The following HCN1 variants were observed in gnomAD, a reference collection of about 807,000 sequenced individuals.
HCN1 encodes hyperpolarization activated cyclic nucleotide gated potassium channel 1.
In HCN1, 13 loss-of-function variants were observed where a neutral mutation model predicts 78.9. That is an observed-to-expected ratio of 0.16 (90% CI 0.11 to 0.26). The LOEUF (loss-of-function observed/expected upper bound fraction) is 0.26, where lower values mean the gene tolerates loss of function less well. Ranked by LOEUF, HCN1 falls within the 10% of genes least tolerant of loss-of-function variation. The pLI, the probability that HCN1 is intolerant of heterozygous loss-of-function variation, is 1.00. For synonymous variants in HCN1, 552 were observed against 455.5 expected (o/e 1.21, Z -2.70); for missense variants, 810 against 1,154.3 (o/e 0.70, Z 4.32).
intron 1 of HCN1, among the ~76,000 whole-genome samples, chr5:45,660,167 G>T (rs1266915190): frequency 3.3e-5 from 4 of 122,706 alleles, no homozygotes; most frequent in Non-Finnish European, 4.9e-5. Flanking sequence ...TTAAAGAAAA[G>T]AATTTTCAAC....
rs546544301 is a variant in HCN1, at chr5:45,348,431, A to C, written c.1377+4669T>G. Among the ~76,000 whole-genome samples the C allele has an allele frequency of 5.9e-5, 9 of 152,222 alleles. No homozygotes were observed. The South Asian group carries it at 6.2e-4, about 11-fold the overall frequency. The stretch of plus-strand genomic sequence containing the variant: ...AAAATCACACCAAATTGCAAAGGCC[A>C]TCAAGGCTAGGAAGAAACTGCATCA... On this transcript the variant is annotated intron_variant, in intron 5 of 7. Coordinates refer to ENST00000303230, the MANE Select transcript of HCN1 (RefSeq NM_021072.4).
intron 2 of HCN1, among the ~76,000 whole-genome samples, chr5:45,545,775 T>C (rs1743210507): frequency 4.6e-5 from 7 of 152,022 alleles, no homozygotes; most frequent in Admixed American, 2.0e-4. Flanking sequence ...TTTTAACTCT[T>C]CACAATATGT....
At chr5:45,562,321 C>A (rs1743621286) in intron 2 of HCN1, among the ~76,000 whole-genome samples, 1 of 152,038 alleles carries the variant, frequency 6.6e-6, no homozygotes, top group African/African-American at 2.4e-5. Context: ...CTCTTGATAT[C>A]CAACAGCAGA....
At position 45,416,469 on chromosome 5, in the gene HCN1, G is replaced by T. The variant is rs144497673; in HGVS notation, c.1012-19759C>A. On this transcript the variant is annotated intron_variant, in intron 3 of 7. Coordinates refer to ENST00000303230, the MANE Select transcript of HCN1 (RefSeq NM_021072.4). Reference sequence around the variant, plus strand: ...TATATACAACCTGACAAGCTACACAGCAGAAATTGCTTTTGGTTTCCTTAG... The same window carrying T: ...TATATACAACCTGACAAGCTACACATCAGAAATTGCTTTTGGTTTCCTTAG... Among the ~76,000 whole-genome samples, 41 of 152,070 alleles carry T rather than the reference G, an allele frequency of 2.7e-4. 1 individual carries two copies. The highest frequency in any genetic ancestry group is 1.3e-4 in the Non-Finnish European group (9 of 67,904).
chr5:45,513,606 AG>A (rs1216514018), intron 2 of HCN1, among the ~76,000 whole-genome samples: 7 of 152,192 alleles, frequency 4.6e-5, no homozygotes, highest in Admixed American at 1.3e-4. Flanking sequence ...TTAGAACAGC[AG>A]TGGCATGTGA....
intron 4 of HCN1, among the ~76,000 whole-genome samples, chr5:45,376,306 TA>T (rs1000464083): frequency 2.5e-3 from 3 of 1,188 alleles, no homozygotes; most frequent in Non-Finnish European, 4.7e-3. Flanking sequence ...GTATTATATA[TA>T]AAATATGTTA....
At chr5:45,629,504 T>C (rs772148341) in intron 2 of HCN1, among the ~76,000 whole-genome samples, 1 of 152,142 alleles carries the variant, frequency 6.6e-6, no homozygotes, top group African/African-American at 2.4e-5. Context: ...ATTAAATATA[T>C]GATAGTAATA....
intron 4 of HCN1, among the ~76,000 whole-genome samples, chr5:45,389,394 G>A (rs1004249734): frequency 4.6e-5 from 7 of 151,692 alleles, no homozygotes; most frequent in African/African-American, 1.2e-4. Flanking sequence ...CTCTTATCTC[G>A]CCTGTACATT....
chr5:45,673,799 T>C (rs73104906), intron 1 of HCN1, among the ~76,000 whole-genome samples: 92 of 151,700 alleles, frequency 6.1e-4, no homozygotes, highest in African/African-American at 2.0e-3. Context: ...GACCATATGC[T>C]CTCTACCAAA....
chr5:45,626,431 T>G (rs1344981680), intron 2 of HCN1, among the ~76,000 whole-genome samples: 3 of 152,132 alleles, frequency 2.0e-5, no homozygotes, highest in Non-Finnish European at 4.4e-5. Context: ...AATTGTGTAC[T>G]AATCAATTAT....
chr5:45,349,839 C>G (rs1324388645), intron 5 of HCN1, among the ~76,000 whole-genome samples: 1 of 151,964 alleles, frequency 6.6e-6, no homozygotes, highest in Non-Finnish European at 1.5e-5. Flanking sequence ...AGTTGAATCT[C>G]TGAATAGACC....
chr5:45,304,417 G>A (rs1579794718), intron 5 of HCN1, among the ~76,000 whole-genome samples: 1 of 151,938 alleles, frequency 6.6e-6, no homozygotes, highest in Non-Finnish European at 1.5e-5. Flanking sequence ...GTGGCTCATG[G>A]CTGTAATTCC....
chr5:45,374,232 TAACA>T (rs1254404415), intron 4 of HCN1, among the ~76,000 whole-genome samples: 9 of 119,182 alleles, frequency 7.6e-5, no homozygotes, highest in Middle Eastern at 4.4e-3. Context: ...ATTATATACA[TAACA>T]TATATATTAT....
chr5:45,523,011 C>G (rs1742646637), intron 2 of HCN1, among the ~76,000 whole-genome samples: 1 of 151,760 alleles, frequency 6.6e-6, no homozygotes, highest in South Asian at 2.1e-4. Flanking sequence ...CTCCCCACTC[C>G]CCCCACCCCA....
chr5:45,422,412 G>C (rs1015851235), intron 3 of HCN1, among the ~76,000 whole-genome samples: 1 of 151,918 alleles, frequency 6.6e-6, no homozygotes, highest in Non-Finnish European at 1.5e-5. Context: ...CCGTGGGTGA[G>C]GAAAAGATAC....
chr5:45,365,157 A>T (rs1747208884), intron 4 of HCN1, among the ~76,000 whole-genome samples: 1 of 152,048 alleles, frequency 6.6e-6, no homozygotes, highest in African/African-American at 2.4e-5. Flanking sequence ...GATCAAATAT[A>T]TGTAAATCAT....
intron 6 of HCN1, among the ~76,000 whole-genome samples, chr5:45,287,902 C>A (rs1745300320): frequency 6.6e-6 from 1 of 152,090 alleles, no homozygotes. Context: ...TTCGCTTATG[C>A]TAATGCCTAA....
chr5:45,403,963 C>G (rs1191129389), intron 3 of HCN1, among the ~76,000 whole-genome samples: 1 of 152,106 alleles, frequency 6.6e-6, no homozygotes, highest in East Asian at 1.9e-4. Context: ...ATGCAGTCTC[C>G]TTCTAAGGAC....
In HCN1 at chr5:45,661,251, A is replaced by G. The variant is rs1216841941; in HGVS notation, c.426-15643T>C. Among the ~76,000 whole-genome samples the G allele has an allele frequency of 5.5e-5, 5 of 90,824 alleles. No individual in the cohort carries two copies. In the East Asian group the frequency reaches 2.1e-3, roughly 37 times the overall value. 59.6% of individuals were successfully genotyped at this position (90,824 alleles called of 152,430 possible). On this transcript the variant is annotated intron_variant, in intron 1 of 7. Coordinates refer to ENST00000303230, the MANE Select transcript of HCN1 (RefSeq NM_021072.4). The stretch of plus-strand genomic sequence containing the variant: ...GGCAGAAATAAAGATGTTCTTTGAA[A>G]CCAACGAGAACAAAGACACCACATA...
Sources: gnomAD v4.1 joint callset for allele counts (sites outside exome capture counted in the v4.1 genomes callset) on GRCh38, gnomAD v4.1.1 for gene constraint, MANE v1.5 for transcripts, NCBI Gene and HGNC (gene_info 2026-07-23, HGNC 2026-07-21) for gene names.